Variants in PARD3 observed in about 807,000 individuals in gnomAD.
PARD3 encodes partitioning defective 3 homolog.
PARD3 carries 75 observed loss-of-function variants against 155.4 expected under a neutral mutation model. The ratio of observed to expected loss-of-function variants is 0.48; its 90% confidence interval spans 0.40 to 0.58. The LOEUF (loss-of-function observed/expected upper bound fraction) is 0.58, where lower values mean the gene tolerates loss of function less well. Ranked by LOEUF, PARD3 falls within the 20% of genes least tolerant of loss-of-function variation. PARD3 has a pLI of 0.00. For synonymous variants in PARD3, 576 were observed against 610.5 expected, an observed-to-expected ratio of 0.94 and a Z score of 0.83; for missense variants, 1,642 against 1,721.7, an observed-to-expected ratio of 0.95 and a Z score of 0.82.
At chr10:34,345,319 T>A (rs1428957972) in intron 15 of PARD3, 20 of 985,246 alleles carry the variant, frequency 2.0e-5, no homozygotes, top group Non-Finnish European at 2.3e-5. Context: ...TAGGAATGCA[T>A]CACAAAGCCT....
intron 16 of PARD3, among the ~76,000 whole-genome samples, chr10:34,339,724 C>A (rs1836596228): frequency 6.6e-6 from 1 of 152,144 alleles, no homozygotes; most frequent in Non-Finnish European, 1.5e-5. Flanking sequence ...ACTACATGTA[C>A]AATTTAAAAT....
chr10:34,571,209 G>A (rs1168036033), intron 2 of PARD3, among the ~76,000 whole-genome samples: 1 of 152,206 alleles, frequency 6.6e-6, no homozygotes, highest in Non-Finnish European at 1.5e-5. Context: ...AGCTACTCAG[G>A]AGGCTGAGGC....
intron 1 of PARD3, among the ~76,000 whole-genome samples, chr10:34,745,442 G>GAGAAAGAGAGAA (rs71033346): frequency 7.9e-6 from 1 of 127,274 alleles, no homozygotes; most frequent in Admixed American, 7.9e-5. Context: ...GAAAGAGAGA[G>GAGAAAGAGAGAA]GGAAAGAGAG....
chr10:34,776,868 ACT>A lies in PARD3; in HGVS notation c.120+38006_120+38007del, dbSNP rs370630436. Among the ~76,000 whole-genome samples, 469 of 134,378 alleles carry A rather than the reference ACT, an allele frequency of 3.5e-3. 6 individuals are homozygous for A. Among genetic ancestry groups the A allele is most frequent in the African/African-American group, 0.013 (426 of 33,200 alleles). 88.2% of individuals were successfully genotyped at this position (134,378 alleles called of 152,430 possible). On this transcript the variant is annotated intron_variant, in intron 1 of 24. Transcript: ENST00000374788. ...GGGGGCGGGTGGGGGATGGAGTCTC[ACT>A]CTGTCGCCCAGGCTGGAGTGCAATG...
chr10:34,705,658 G>T (rs2094352837), intron 1 of PARD3, among the ~76,000 whole-genome samples: 1 of 152,040 alleles, frequency 6.6e-6, no homozygotes, highest in Non-Finnish European at 1.5e-5. Flanking sequence ...ACAAAATAAT[G>T]ACCTGTATCA....
chr10:34,140,849 T>G (rs931378621), intron 22 of PARD3, among the ~76,000 whole-genome samples: 1 of 152,234 alleles, frequency 6.6e-6, no homozygotes, highest in African/African-American at 2.4e-5. Context: ...TAATTATGCA[T>G]GCAAAGTTAG....
chr10:34,485,094 T>G (rs111652810), intron 3 of PARD3, among the ~76,000 whole-genome samples: 2 of 152,060 alleles, frequency 1.3e-5, no homozygotes, highest in Non-Finnish European at 2.9e-5. Flanking sequence ...TCCCAACACT[T>G]TGGGAGGCCA....
At chr10:34,769,767 AAAAC>A (rs59365440) in intron 1 of PARD3, among the ~76,000 whole-genome samples, 39,332 of 140,426 alleles carry the variant, frequency 0.28, 5,777 homozygotes, top group East Asian at 0.52. Flanking sequence ...TGTCTTTAAA[AAAAC>A]AAACAAACAA....
At chr10:34,500,481 C>T (rs574051558) in intron 3 of PARD3, among the ~76,000 whole-genome samples, 1 of 152,200 alleles carries the variant, frequency 6.6e-6, no homozygotes, top group African/African-American at 2.4e-5. Context: ...GTGGCTCACA[C>T]CTGTAATCCC....
At chr10:34,469,914 A>G (rs1321671823) in intron 4 of PARD3, among the ~76,000 whole-genome samples, 171 bp downstream of exon 4, 1 of 152,182 alleles carries the variant, frequency 6.6e-6, no homozygotes, top group African/African-American at 2.4e-5. Flanking sequence ...CAAGTGTGAT[A>G]TAAAATAGGA....
In PARD3 at chr10:34,233,784, C is replaced by G. The variant is rs551200781; in HGVS notation, c.3419+35873G>C. 3.6e-4 allele frequency among the ~76,000 whole-genome samples: 55 copies of G among 152,186 alleles called. 1 individual carries two copies. The highest frequency in any genetic ancestry group is 1.3e-3 in the African/African-American group (54 of 41,476). On this transcript the variant is annotated intron_variant, in intron 22 of 24. Transcript: ENST00000374788. The stretch of plus-strand genomic sequence containing the variant: ...CCTCCTAGTGCAAGCCTCCATGATT[C>G]TGTCCCAGGAGCAGCAGCAGCTCCC...
rs188639899 is a variant in PARD3 at position 34,559,128 on chromosome 10, C to T, written c.223-41969G>A. On this transcript the variant is annotated intron_variant, in intron 2 of 24. Transcript: ENST00000374788. ...ACTGTGACTTTCTCATTCACCTGGACTTCCACAAGTCTCTAACTTAGGCAC... is the reference window on the plus strand; with the variant it reads ...ACTGTGACTTTCTCATTCACCTGGATTTCCACAAGTCTCTAACTTAGGCAC... Among the ~76,000 whole-genome samples the T allele has an allele frequency of 2.9e-3, 440 of 152,164 alleles. 1 individual carries two copies. Among genetic ancestry groups the T allele is most frequent in the African/African-American group, 9.7e-3 (401 of 41,458 alleles).
chr10:34,485,302 C>T (rs2079377757), intron 3 of PARD3, among the ~76,000 whole-genome samples: 1 of 151,494 alleles, frequency 6.6e-6, no homozygotes, highest in African/African-American at 2.4e-5. Context: ...CATGCCACTG[C>T]ACTCCAGCCT....
In PARD3 at chr10:34,284,208, T is replaced by C. The variant is rs1173214595; in HGVS notation, c.3103A>G (p.Thr1035Ala). ...KHRKDDKIEKTGKIKIQESFT... is the reference protein window; with the variant it reads ...KHRKDDKIEKAGKIKIQESFT... Reference sequence around the variant, plus strand: ...GATTCCTGTATTTTTATTTTACCCGTTTTCTCAATCTTGTCATCTTTTCGA... The same window carrying C: ...GATTCCTGTATTTTTATTTTACCCGCTTTCTCAATCTTGTCATCTTTTCGA... The change falls in exon 21 of 25, where the codon ACG (threonine) becomes GCG (alanine). Residue 1035 changes from threonine (T) to alanine (A), a missense_variant. Physicochemically the swap from Thr to Ala is moderately conservative, Grantham distance 58. Transcript: ENST00000374788. The C allele has an allele frequency of 6.2e-7, 1 of 1,610,376 alleles. No homozygotes were observed. Among genetic ancestry groups the C allele is most frequent in the Non-Finnish European group, 8.5e-7 (1 of 1,178,422 alleles).
intron 5 of PARD3, among the ~76,000 whole-genome samples, chr10:34,433,732 T>G (rs996454725): frequency 2.0e-5 from 3 of 152,204 alleles, no homozygotes; most frequent in African/African-American, 2.4e-5. Flanking sequence ...ATAAGATTTT[T>G]TTATCAAAAT....
intron 2 of PARD3, among the ~76,000 whole-genome samples, chr10:34,659,894 C>T (rs2093277945): frequency 6.6e-6 from 1 of 152,066 alleles, no homozygotes; most frequent in Non-Finnish European, 1.5e-5. Context: ...TTTGCTTCCG[C>T]GCATGCATTT....
intron 22 of PARD3, among the ~76,000 whole-genome samples, chr10:34,247,738 T>C (rs11009692): frequency 0.042 from 6,236 of 149,716 alleles, 375 homozygotes; most frequent in African/African-American, 0.14. Flanking sequence ...CTAATACTGG[T>C]TACATTGTTT....
intron 1 of PARD3, among the ~76,000 whole-genome samples, chr10:34,776,670 T>C (rs1839564795): frequency 6.6e-6 from 1 of 152,022 alleles, no homozygotes; most frequent in East Asian, 1.9e-4. Context: ...ATATGTTCTC[T>C]TGGTCTTTCA....
chr10:34,365,819 C>T (rs2134557911), intron 12 of PARD3, among the ~76,000 whole-genome samples: 1 of 152,202 alleles, frequency 6.6e-6, no homozygotes, highest in Middle Eastern at 3.4e-3. Context: ...AACTCCTGAC[C>T]TCAGGTGACC....
Sources: gnomAD v4.1 joint callset for allele counts (sites outside exome capture counted in the v4.1 genomes callset) on GRCh38, gnomAD v4.1.1 for gene constraint, MANE v1.5 for transcripts, NCBI Gene and HGNC (gene_info 2026-07-23, HGNC 2026-07-21) for gene names.